Variants in ALK observed in about 807,000 individuals in gnomAD.
ALK encodes the protein ALK receptor tyrosine kinase.
Under a neutral mutation model 163.1 loss-of-function variants are expected in ALK, and 74 were observed. The ratio of observed to expected loss-of-function variants is 0.45; its 90% CI spans 0.38 to 0.55. The LOEUF (loss-of-function observed/expected upper bound fraction) is 0.55. ALK is among the 20% of genes least tolerant of loss of function. The pLI, the probability that ALK is intolerant of heterozygous loss-of-function variation, is 0.00. For synonymous variants in ALK, 960 were observed against 843.2 expected (o/e 1.14, Z -2.40); for missense variants, 2,063 against 2,105.3 (o/e 0.98, Z 0.39).
chr2:29,251,393 G>T, intron 11 of ALK, 126 bp from the exon 12 acceptor site: 1 of 965,400 alleles, frequency 1.0e-6, no homozygotes, highest in Non-Finnish European at 1.6e-6. Flanking sequence ...TGGCACCAAG[G>T]TCAGGGCAAG....
intron 1 of ALK, among the ~76,000 whole-genome samples, chr2:29,801,307 T>G (rs1282228218): frequency 6.6e-6 from 1 of 152,044 alleles, no homozygotes; most frequent in Admixed American, 6.5e-5. Context: ...GAAAAACACA[T>G]AGAATTTTTA....
chr2:29,787,550 G>A (rs1572379226), intron 1 of ALK, among the ~76,000 whole-genome samples: 1 of 152,220 alleles, frequency 6.6e-6, no homozygotes, highest in Non-Finnish European at 1.5e-5. Flanking sequence ...CGGTCCATGG[G>A]ACGTATGCAT....
chr2:29,469,326 G>C (rs1057280613), intron 4 of ALK, among the ~76,000 whole-genome samples: 3 of 152,176 alleles, frequency 2.0e-5, no homozygotes, highest in Non-Finnish European at 4.4e-5. Context: ...TCAATACCCA[G>C]AGCCCCTAAT....
At chr2:29,891,764 A>T (rs1667153920) in intron 1 of ALK, among the ~76,000 whole-genome samples, 1 of 152,164 alleles carries the variant, frequency 6.6e-6, no homozygotes, top group Non-Finnish European at 1.5e-5. Context: ...CAAGCCTAGG[A>T]GCTGAAGGGG....
chr2:29,610,207 A>G (rs1675653063), intron 3 of ALK, among the ~76,000 whole-genome samples: 1 of 152,206 alleles, frequency 6.6e-6, no homozygotes, highest in East Asian at 1.9e-4. Flanking sequence ...CTGCAACAGG[A>G]GTACCAAGCG....
chr2:29,203,402 C>T (rs1371236116), intron 26 of ALK, among the ~76,000 whole-genome samples: 1 of 132,968 alleles, frequency 7.5e-6, no homozygotes, highest in Non-Finnish European at 1.5e-5. Flanking sequence ...TATCTTTTAT[C>T]TCTATTATTT....
chr2:29,200,708 C>G (rs1247614366), intron 26 of ALK, among the ~76,000 whole-genome samples: 1 of 146,474 alleles, frequency 6.8e-6, no homozygotes, highest in Non-Finnish European at 1.5e-5. Context: ...CATTTAAAAT[C>G]AAATATACAT....
chr2:29,578,434 G>A (rs148135119), intron 3 of ALK, among the ~76,000 whole-genome samples: 2,007 of 152,304 alleles, frequency 0.013, 37 homozygotes, highest in African/African-American at 0.046. Context: ...GTCTCTGTCT[G>A]GACACCTGAC....
chr2:29,234,274 C>T (rs942785936), intron 13 of ALK, among the ~76,000 whole-genome samples: 4 of 152,120 alleles, frequency 2.6e-5, no homozygotes, highest in South Asian at 2.1e-4. Flanking sequence ...GAGAATTAAA[C>T]GGAACAGTGT....
intron 1 of ALK, among the ~76,000 whole-genome samples, chr2:29,778,729 T>C (rs757178511): frequency 2.0e-5 from 3 of 151,986 alleles, no homozygotes; most frequent in African/African-American, 7.3e-5. Context: ...CCATCAAAAA[T>C]TGAACAAACC....
intron 3 of ALK, among the ~76,000 whole-genome samples, chr2:29,644,364 G>A (rs931442275): frequency 2.4e-4 from 37 of 151,516 alleles, no homozygotes; most frequent in African/African-American, 9.0e-4. Context: ...AAACCTGCAC[G>A]TTGTGCACAT....
intron 1 of ALK, among the ~76,000 whole-genome samples, chr2:29,826,657 C>T (rs545795795): frequency 6.6e-6 from 1 of 152,270 alleles, no homozygotes; most frequent in East Asian, 1.9e-4. Context: ...CTTACACTTC[C>T]CAGGAGAAAG....
chr2:29,216,586 G>A (rs895847569), intron 23 of ALK, among the ~76,000 whole-genome samples: 2 of 152,118 alleles, frequency 1.3e-5, no homozygotes, highest in Non-Finnish European at 2.9e-5. Context: ...CAGCAAGCGT[G>A]GGTTATGGGG....
chr2:29,734,575 A>G lies in ALK; in HGVS notation c.668-16878T>C, dbSNP rs543260951. On this transcript the variant is annotated intron_variant, in intron 1 of 28. Transcript: ENST00000389048. ...AGCAACCTCTTCCCCCATGCTCAAA[A>G]AGAAAAATAATTACAAAACAAAGAC... is the stretch of plus-strand genomic sequence containing the variant. Among the ~76,000 whole-genome samples the G allele has an allele frequency of 1.2e-4, 18 of 152,276 alleles. No homozygotes were observed. In the South Asian group the frequency reaches 3.3e-3, roughly 28 times the overall value.
intron 26 of ALK, among the ~76,000 whole-genome samples, chr2:29,202,457 T>C (rs1226772003): frequency 6.6e-6 from 1 of 152,282 alleles, no homozygotes; most frequent in African/African-American, 2.4e-5. Flanking sequence ...GTCTTATTCT[T>C]GTCAGCTCTC....
intron 4 of ALK, among the ~76,000 whole-genome samples, chr2:29,483,966 C>T (rs983786715): frequency 1.4e-4 from 21 of 152,012 alleles, no homozygotes; most frequent in Non-Finnish European, 2.1e-4. Flanking sequence ...CGGCGGAAGG[C>T]GAAGGAGGAG....
At chr2:29,303,034 A>G (rs973458641) in intron 8 of ALK, among the ~76,000 whole-genome samples, 6 of 152,208 alleles carry the variant, frequency 3.9e-5, no homozygotes, top group African/African-American at 1.4e-4. Context: ...GGACCTAACT[A>G]AAGAGCTTCT....
intron 8 of ALK, among the ~76,000 whole-genome samples, chr2:29,302,441 C>T (rs1666397894): frequency 6.6e-6 from 1 of 152,146 alleles, no homozygotes; most frequent in Admixed American, 6.5e-5. Context: ...TTGCTTCAAC[C>T]CGGGAGGCGG....
intron 3 of ALK, among the ~76,000 whole-genome samples, chr2:29,577,555 A>G (rs1347723729): frequency 6.6e-6 from 1 of 152,160 alleles, no homozygotes; most frequent in Non-Finnish European, 1.5e-5. Context: ...ATGACGATAA[A>G]GGATTAGTAA....
Sources: gnomAD v4.1 joint callset for allele counts (sites outside exome capture counted in the v4.1 genomes callset) on GRCh38, gnomAD v4.1.1 for gene constraint, MANE v1.5 for transcripts, NCBI Gene and HGNC (gene_info 2026-07-23, HGNC 2026-07-21) for gene names.